Variants in PRKCG observed in about 807,000 individuals in gnomAD.
The protein encoded by PRKCG is protein kinase C gamma type.
In PRKCG, 28 loss-of-function variants were observed where a neutral mutation model predicts 82.0. The ratio of observed to expected loss-of-function variants is 0.34; its 90% CI spans 0.25 to 0.47. The LOEUF (loss-of-function observed/expected upper bound fraction) is 0.47. PRKCG is among the 20% of genes least tolerant of loss of function. PRKCG has a pLI of 1.00. For synonymous variants in PRKCG, 383 were observed against 376.6 expected (o/e 1.02, Z -0.20); for missense variants, 640 against 952.7 (o/e 0.67, Z 4.32).
chr19:53,900,698 C>A lies in PRKCG; in HGVS notation c.1524C>A (p.Pro508=), dbSNP rs115736276. 1.2e-4 allele frequency: 195 copies of A among 1,614,208 alleles called. No homozygotes were observed. The African/African-American group carries it at 2.5e-3, about 20-fold the overall frequency. ...GCATGTGTAAGGAGAACGTCTTCCC[C>A]GGGACGACAACCCGCACCTTCTGCG... ...DFGMCKENVF[P]GTTTRTFCGT... Residue 508 remains proline (P), a synonymous_variant, in exon 14 of 18, where the codon CCC becomes CCA. Transcript: ENST00000263431. This position sits in a 1 kb window ranked among gnomAD's most constrained non-coding sequence, Gnocchi z 4.2.
At position 53,906,840 on chromosome 19, in the gene PRKCG, T is replaced by A. The variant is rs1230884397; in HGVS notation, c.2039T>A (p.Phe680Tyr). The change falls in exon 18 of 18, where the codon TTC (phenylalanine) becomes TAC (tyrosine). Residue 680 changes from phenylalanine to tyrosine, a missense_variant. This residue lies in a region of PRKCG where 198 missense variants were observed against 273.4 expected (regional missense o/e 0.72). Coordinates refer to ENST00000263431, the MANE Select transcript of PRKCG (RefSeq NM_002739.5). ...GGCTTCACCTACGTGAACCCCGACT[T>A]CGTGCACCCGGATGCCCGCAGCCCC... ...FQGFTYVNPD[F>Y]VHPDARSPTS... 1 of 1,613,626 alleles carries A rather than the reference T, an allele frequency of 6.2e-7. No homozygotes were observed. Among genetic ancestry groups the A allele is most frequent in the East Asian group, 2.2e-5 (1 of 44,826 alleles).
chr19:53,900,545 T>G lies in PRKCG; in HGVS notation c.1436+64T>G. The G allele has an allele frequency of 6.2e-7, 1 of 1,614,176 alleles. No homozygotes were observed. The highest frequency in any genetic ancestry group is 8.5e-7 in the Non-Finnish European group (1 of 1,180,020). On this transcript the variant is annotated intron_variant, in intron 13 of 17. Transcript: ENST00000263431. The surrounding 1 kb of genome is among the most constrained non-coding windows in gnomAD (Gnocchi z 4.2). The stretch of plus-strand genomic sequence containing the variant: ...CCCTGGAAGGGAAGGGATTTGAATA[T>G]GTGGCTCTAGACTGCTGAACTCAAC...
At position 53,906,767 on chromosome 19, in the gene PRKCG, C is replaced by T; in HGVS notation, c.1966C>T (p.Pro656Ser). The T allele has an allele frequency of 6.2e-7, 1 of 1,613,570 alleles. No homozygotes were observed. The highest frequency in any genetic ancestry group is 8.5e-7 in the Non-Finnish European group (1 of 1,180,016). The stretch of plus-strand genomic sequence containing the variant: ...CACGCGGGCGGCGCCAGCGCTGACC[C>T]CTCCAGACCGCCTAGTCCTGGCCAG... ...FFTRAAPALTPPDRLVLASID... is the reference protein window; with the variant it reads ...FFTRAAPALTSPDRLVLASID... Residue 656 changes from proline to serine, a missense_variant, in exon 18 of 18, where the codon CCT becomes TCT. Pro to Ser is a moderately conservative substitution (Grantham distance 74, BLOSUM62 -1). Coordinates refer to ENST00000263431, the MANE Select transcript of PRKCG (RefSeq NM_002739.5).
chr19:53,893,455 C>G, intron 9 of PRKCG, 64 bp downstream of exon 9: 1 of 1,509,152 alleles, frequency 6.6e-7, no homozygotes, highest in South Asian at 1.1e-5. Context: ...TCTTATTCCT[C>G]CTCTGACTTC....
intron 3 of PRKCG, among the ~76,000 whole-genome samples, chr19:53,885,852 A>G (rs977243903): frequency 1.3e-5 from 2 of 151,208 alleles, no homozygotes; most frequent in Admixed American, 6.6e-5. Context: ...CCCCTCGTCC[A>G]CTCACCTCCG....
chr19:53,893,458 C>T, intron 9 of PRKCG, 67 bp downstream of exon 9: 1 of 1,504,106 alleles, frequency 6.6e-7, no homozygotes, highest in Non-Finnish European at 9.3e-7. Flanking sequence ...TATTCCTCCT[C>T]TGACTTCTGT....
rs769368415 is a variant in PRKCG at position 53,884,282 on chromosome 19, GCC to G, written c.285+43_285+44del. 5.0e-6 allele frequency: 8 copies of G among 1,586,718 alleles called. No homozygotes were observed. In the Admixed American group the frequency reaches 1.3e-4, roughly 26 times the overall value. ...CACCTGGTTCTCCTCCTCGGGCCGT[GCC>G]CCCGCCCTCACCCCCTCGGCGTCCG... On this transcript the variant is annotated intron_variant, in intron 3 of 17. Coordinates refer to ENST00000263431, the MANE Select transcript of PRKCG (RefSeq NM_002739.5). This position sits in a 1 kb window ranked among gnomAD's most constrained non-coding sequence, Gnocchi z 4.6.
intron 9 of PRKCG, among the ~76,000 whole-genome samples, chr19:53,895,920 C>T (rs187904447): frequency 6.6e-6 from 1 of 151,996 alleles, no homozygotes. Flanking sequence ...ATTAGCTGGG[C>T]GTGGTGGTGG....
In PRKCG at chr19:53,907,300, A is replaced by G. The variant is rs1039678391; in HGVS notation, c.*405A>G. 2.4e-5 allele frequency: 7 copies of G among 297,106 alleles called. No individual in the cohort carries two copies. The highest frequency in any genetic ancestry group is 4.6e-5 in the Non-Finnish European group (7 of 152,688). The allele number at this position is 297,106 out of a possible 1,614,324, so 18.4% of individuals were successfully genotyped here. A position where few individuals can be genotyped will look rare whatever the true frequency, so the allele number is the denominator to read the frequency against. On this transcript the variant is annotated 3_prime_UTR_variant, in exon 18 of 18. Coordinates refer to ENST00000263431, the MANE Select transcript of PRKCG (RefSeq NM_002739.5). ...TGGCTGTTCCAGACTCAGGTTCCAG[A>G]ACAGCCCTCGGCCTCCGAGGCTCCC... is the stretch of plus-strand genomic sequence containing the variant.
chr19:53,898,786 G>T (rs2068737754), intron 11 of PRKCG, among the ~76,000 whole-genome samples, 158 bp downstream of exon 11: 1 of 115,976 alleles, frequency 8.6e-6, no homozygotes, highest in Non-Finnish European at 1.8e-5. Context: ...CGTGGCCGGG[G>T]GGGGGTCCTT....
intron 3 of PRKCG, among the ~76,000 whole-genome samples, chr19:53,887,074 GT>G (rs895819400): frequency 6.7e-6 from 1 of 149,942 alleles, no homozygotes; most frequent in African/African-American, 2.5e-5. Flanking sequence ...TTTTGTTTTT[GT>G]TTTTTTTTGC....
chr19:53,882,543 C>T lies in PRKCG; in HGVS notation c.49C>T (p.Pro17Ser), dbSNP rs1286597703. 6.2e-7 allele frequency: 1 copy of T among 1,614,178 alleles called. No individual in the cohort carries two copies. The highest frequency in any genetic ancestry group is 8.5e-7 in the Non-Finnish European group (1 of 1,180,014). ...AGGCGATTCAGAGGGGGGACCCCGGCCCCTGTTTTGCAGAAAGGGGGCCCT... is the reference window on the plus strand; with the variant it reads ...AGGCGATTCAGAGGGGGGACCCCGGTCCCTGTTTTGCAGAAAGGGGGCCCT... ...GVGDSEGGPR[P>S]LFCRKGALRQ... The change falls in exon 1 of 18, where the codon CCC becomes TCC. Residue 17 changes from proline (P) to serine (S), a missense_variant. By Grantham distance (74) the Pro-to-Ser change is moderately conservative. Around this residue, in one of 7 missense-constraint regions of PRKCG, gnomAD observed 27 missense variants for 23.9 expected, o/e 1.13. Coordinates refer to ENST00000263431, the MANE Select transcript of PRKCG (RefSeq NM_002739.5). The surrounding 1 kb of genome is among the most constrained non-coding windows in gnomAD (Gnocchi z 6.1).
intron 14 of PRKCG, among the ~76,000 whole-genome samples, chr19:53,901,862 AAAAAG>A (rs2068766821): frequency 1.3e-5 from 2 of 151,540 alleles, no homozygotes; most frequent in African/African-American, 4.9e-5. Flanking sequence ...AAAAAAAAAA[AAAAAG>A]AAAAAGAAAA....
rs1441708472 is a variant in PRKCG at position 53,892,602 on chromosome 19, C to T, written c.780C>T (p.Ser260=). The change falls in exon 7 of 18, where the codon TCC becomes TCT. Residue 260 remains serine (S), a synonymous_variant. Coordinates refer to ENST00000263431, the MANE Select transcript of PRKCG (RefSeq NM_002739.5). The surrounding 1 kb of genome is among the most constrained non-coding windows in gnomAD (Gnocchi z 5.9). The part of the protein sequence containing the change: ...TSRNDFMGAM[S]FGVSELLKAP... ...GCAACGACTTCATGGGGGCCATGTC[C>T]TTTGGCGTCTCGGAGCTGCTCAAGG... The T allele has an allele frequency of 6.2e-7, 1 of 1,613,480 alleles. No homozygotes were observed. The highest frequency in any genetic ancestry group is 8.5e-7 in the Non-Finnish European group (1 of 1,180,006).
In PRKCG at chr19:53,900,709, C is replaced by A; in HGVS notation, c.1535C>A (p.Thr512Asn). 6.2e-7 allele frequency: 1 copy of A among 1,614,234 alleles called. No homozygotes were observed. Among genetic ancestry groups the A allele is most frequent in the Non-Finnish European group, 8.5e-7 (1 of 1,180,046 alleles). The part of the protein sequence containing the change: ...CKENVFPGTT[T>N]RTFCGTPDYI... ...GAGAACGTCTTCCCCGGGACGACAA[C>A]CCGCACCTTCTGCGGGACCCCGGAC... The change falls in exon 14 of 18, where the codon ACC (threonine) becomes AAC (asparagine). Residue 512 changes from threonine to asparagine, a missense_variant. Physicochemically the swap from Thr to Asn is moderately conservative, Grantham distance 65. Coordinates refer to ENST00000263431, the MANE Select transcript of PRKCG (RefSeq NM_002739.5). This position sits in a 1 kb window ranked among gnomAD's most constrained non-coding sequence, Gnocchi z 4.2.
Position 53,883,487 on chromosome 19 carries a change from G to A in PRKCG, c.202+293G>A, listed in dbSNP as rs1021046294. ...TTTGGAAAAGGGGAGCTGAAGGGGG[G>A]AAGGGGGAGGGGGCTGGAGATGCAA... On this transcript the variant is annotated intron_variant, in intron 2 of 17. Transcript: ENST00000263431. This position sits in a 1 kb window ranked among gnomAD's most constrained non-coding sequence, Gnocchi z 5.4. 6.6e-5 allele frequency among the ~76,000 whole-genome samples: 10 copies of A among 150,702 alleles called. No homozygotes were observed. Among genetic ancestry groups the A allele is most frequent in the Non-Finnish European group, 1.3e-4 (9 of 67,644 alleles).
chr19:53,881,250 A>G (rs1213737213), upstream of PRKCG, among the ~76,000 whole-genome samples: 2 of 152,154 alleles, frequency 1.3e-5, no homozygotes, highest in Non-Finnish European at 2.9e-5. Flanking sequence ...AACCGGAGGA[A>G]GGGAGAGAGA....
At position 53,906,423 on chromosome 19, in the gene PRKCG, G is replaced by A. The variant is rs146367309; in HGVS notation, c.1871G>A (p.Arg624Gln). 5.7e-5 allele frequency: 90 copies of A among 1,573,570 alleles called. No homozygotes were observed. In the African/African-American group the frequency reaches 9.8e-4, roughly 17 times the overall value. ...TGGATTGACTGGGAGCGGCTGGAAC[G>A]ATTGGAGATCCCGCCTCCTTTCAGA... ...FRWIDWERLERLEIPPPFRPR... is the reference protein window; with the variant it reads ...FRWIDWERLEQLEIPPPFRPR... Residue 624 changes from arginine (R) to glutamine (Q), a missense_variant, in exon 17 of 18, where the codon CGA (arginine) becomes CAA (glutamine). Physicochemically the swap from Arg to Gln is conservative, Grantham distance 43 (BLOSUM62 1). Around this residue, in one of 7 missense-constraint regions of PRKCG, gnomAD observed 198 missense variants for 273.4 expected, o/e 0.72. Coordinates refer to ENST00000263431, the MANE Select transcript of PRKCG (RefSeq NM_002739.5).
At position 53,897,911 on chromosome 19, in the gene PRKCG, C is replaced by T. The variant is rs1364218889; in HGVS notation, c.940-48C>T. On this transcript the variant is annotated intron_variant, in intron 9 of 17. Transcript: ENST00000263431. ...GTCTCTTGGGAGCATTTCCTTATCG[C>T]TGTGTAAGGTCTAACTGCCTCTGGC... 3.1e-6 allele frequency: 5 copies of T among 1,612,196 alleles called. No individual in the cohort carries two copies. In the Admixed American group the frequency reaches 5.0e-5, roughly 16 times the overall value.
Sources: gnomAD v4.1 joint callset for allele counts (sites outside exome capture counted in the v4.1 genomes callset) on GRCh38, gnomAD v4.1.1 for gene constraint, gnomAD v4.1.1 regional missense constraint, Gnocchi (gnomAD v3.1) non-coding constraint, MANE v1.5 for transcripts, NCBI Gene and HGNC (gene_info 2026-07-23, HGNC 2026-07-21) for gene names.